CPNE8: variants seen among roughly 807,000 people sequenced by gnomAD.
CPNE8 encodes copine-8.
A neutral mutation model predicts 81.5 loss-of-function variants in CPNE8; 45 were observed. The ratio of observed to expected loss-of-function variants is 0.55; its 90% CI spans 0.44 to 0.71. The LOEUF (loss-of-function observed/expected upper bound fraction) is 0.71. Ranked by LOEUF, CPNE8 falls within the 30% of genes least tolerant of loss-of-function variation. CPNE8 has a pLI of 0.00. For missense variants in CPNE8, 594 were observed against 672.1 expected (o/e 0.88, Z 1.28); for synonymous variants, 252 against 226.3 (o/e 1.11, Z -1.02).
chr12:38,761,907 A>G (rs1941580818), intron 9 of CPNE8, among the ~76,000 whole-genome samples: 1 of 152,256 alleles, frequency 6.6e-6, no homozygotes, highest in East Asian at 1.9e-4. Context: ...GAAAAGGCTT[A>G]GGGCAATGAA....
At chr12:38,734,275 A>G (rs965855318) in intron 10 of CPNE8, among the ~76,000 whole-genome samples, 4 of 152,028 alleles carry the variant, frequency 2.6e-5, no homozygotes, top group African/African-American at 9.7e-5. Flanking sequence ...CTTGCCAGTG[A>G]TATTAACAAA....
intron 16 of CPNE8, among the ~76,000 whole-genome samples, chr12:38,682,048 C>T (rs76309916): frequency 0.04 from 6,118 of 151,950 alleles, 358 homozygotes; most frequent in East Asian, 0.32. Flanking sequence ...GGCGAAACCC[C>T]GTCTCTTCTA....
chr12:38,829,992 TG>T (rs1419341418), intron 5 of CPNE8, among the ~76,000 whole-genome samples: 2 of 152,214 alleles, frequency 1.3e-5, no homozygotes, highest in Admixed American at 1.3e-4. Flanking sequence ...TTCTCTATAA[TG>T]TATTAGTACC....
chr12:38,702,928 T>A lies in CPNE8; in HGVS notation c.915-7A>T. 6.4e-7 allele frequency: 1 copy of A among 1,572,384 alleles called. No individual in the cohort carries two copies. The highest frequency in any genetic ancestry group is 8.7e-7 in the Non-Finnish European group (1 of 1,153,752). On this transcript the variant is annotated splice_polypyrimidine_tract_variant and splice_region_variant and intron_variant, in intron 13 of 19. Coordinates refer to ENST00000331366, the MANE Select transcript of CPNE8 (RefSeq NM_153634.3). ...TGTGAAATTGATTTGCGTCCTGGAATAGAAGTAAACAAGACTCATTAATAA... is the reference window on the plus strand; with the variant it reads ...TGTGAAATTGATTTGCGTCCTGGAAAAGAAGTAAACAAGACTCATTAATAA...
intron 7 of CPNE8, among the ~76,000 whole-genome samples, chr12:38,772,023 A>G (rs1941814201): frequency 6.6e-6 from 1 of 152,146 alleles, no homozygotes; most frequent in Non-Finnish European, 1.5e-5. Context: ...ATCCCTCATA[A>G]ATAGGTAGGT....
chr12:38,701,450 A>G (rs1287478143), intron 14 of CPNE8, among the ~76,000 whole-genome samples: 2 of 151,944 alleles, frequency 1.3e-5, no homozygotes, highest in Admixed American at 6.6e-5. Flanking sequence ...AGTATTTTAA[A>G]GCAGTTGGAT....
intron 12 of CPNE8, 56 bp downstream of exon 12, chr12:38,724,790 A>G: frequency 8.5e-7 from 1 of 1,179,934 alleles, no homozygotes. Context: ...TGCCATCTAC[A>G]TATATGCTTA....
At chr12:38,773,806 C>T (rs890783120) in intron 7 of CPNE8, among the ~76,000 whole-genome samples, 12 of 151,956 alleles carry the variant, frequency 7.9e-5, no homozygotes. Flanking sequence ...TTTGAGTACA[C>T]TTGTGCATTC....
At chr12:38,734,341 T>C (rs928462073) in intron 10 of CPNE8, among the ~76,000 whole-genome samples, 1 of 152,066 alleles carries the variant, frequency 6.6e-6, no homozygotes, top group African/African-American at 2.4e-5. Flanking sequence ...GCCAATCATA[T>C]TAAACATATT....
intron 6 of CPNE8, among the ~76,000 whole-genome samples, chr12:38,787,952 T>C (rs1180723236): frequency 2.9e-5 from 3 of 101,810 alleles, no homozygotes; most frequent in African/African-American, 1.0e-4. Flanking sequence ...GAGACTGAAG[T>C]CATAATAAAA....
At chr12:38,711,266 C>T (rs559170626) in intron 13 of CPNE8, among the ~76,000 whole-genome samples, 5 of 152,284 alleles carry the variant, frequency 3.3e-5, no homozygotes, top group Admixed American at 1.3e-4. Flanking sequence ...AGCAACATAA[C>T]TATGAAACTG....
chr12:38,880,013 T>C (rs904460641), intron 1 of CPNE8, among the ~76,000 whole-genome samples: 1 of 152,206 alleles, frequency 6.6e-6, no homozygotes, highest in South Asian at 2.1e-4. Flanking sequence ...AATGGAAATA[T>C]AGTTTGTAAA....
chr12:38,887,683 T>C (rs1049063123), intron 1 of CPNE8, among the ~76,000 whole-genome samples: 1 of 152,196 alleles, frequency 6.6e-6, no homozygotes, highest in African/African-American at 2.4e-5. Context: ...ACAATCCTTA[T>C]ACAACTGTAT....
rs1364585830 is a variant in CPNE8, at chr12:38,905,326, A to G, written c.98+111T>C. 3.2e-6 allele frequency: 4 copies of G among 1,253,382 alleles called. No individual in the cohort carries two copies. The Admixed American group carries it at 6.3e-5, about 20-fold the overall frequency. The allele number at this position is 1,253,382 out of a possible 1,614,324, so 77.6% of individuals were successfully genotyped here. ...CCCACTACTGAGATATTTCCCACTC[A>G]TGGCGCAACTTCTTGCCTGCGCAAA... On this transcript the variant is annotated intron_variant, in intron 1 of 19. Coordinates refer to ENST00000331366, the MANE Select transcript of CPNE8 (RefSeq NM_153634.3).
At chr12:38,854,811 CAT>C (rs1156959432) in intron 3 of CPNE8, among the ~76,000 whole-genome samples, 8 of 152,044 alleles carry the variant, frequency 5.3e-5, no homozygotes, top group African/African-American at 1.7e-4. Context: ...CAGCTAACAT[CAT>C]ACTGAAAGCT....
intron 3 of CPNE8, among the ~76,000 whole-genome samples, chr12:38,858,064 C>T (rs1167762434): frequency 6.6e-6 from 1 of 152,112 alleles, no homozygotes; most frequent in African/African-American, 2.4e-5. Context: ...CTTTATAACC[C>T]AGGAATGCCT....
In CPNE8 at chr12:38,800,903, A is replaced by G. The variant is rs1484550353; in HGVS notation, c.408-24602T>C. Among the ~76,000 whole-genome samples the G allele has an allele frequency of 2.6e-5, 3 of 113,768 alleles. 1 individual carries two copies. The highest frequency in any genetic ancestry group is 1.0e-4 in the African/African-American group (3 of 29,224). The allele number at this position is 113,768 out of a possible 152,430, so 74.6% of individuals were successfully genotyped here. ...GATGCGATCAACTGGAAGAAAGGGT[A>G]TCAGCAATGGAAGATGAAATGAATG... On this transcript the variant is annotated intron_variant, in intron 6 of 19. Transcript: ENST00000331366.
intron 6 of CPNE8, among the ~76,000 whole-genome samples, chr12:38,787,646 T>G (rs1942226354): frequency 6.6e-6 from 1 of 151,128 alleles, no homozygotes; most frequent in African/African-American, 2.4e-5. Flanking sequence ...ATACAAAAGC[T>G]CAATGAAACA....
chr12:38,864,066 A>G (rs901229233), intron 3 of CPNE8, among the ~76,000 whole-genome samples: 14 of 151,780 alleles, frequency 9.2e-5, no homozygotes, highest in African/African-American at 2.9e-4. Flanking sequence ...ACAAAAAAAA[A>G]AAAAAAAGAA....
Sources: gnomAD v4.1 joint callset for allele counts (sites outside exome capture counted in the v4.1 genomes callset) on GRCh38, gnomAD v4.1.1 for gene constraint, MANE v1.5 for transcripts, NCBI Gene and HGNC (gene_info 2026-07-23, HGNC 2026-07-21) for gene names.